ARID1B: variants seen among roughly 807,000 people sequenced by gnomAD.
ARID1B encodes the protein AT-rich interaction domain 1B, also known as AT-rich interactive domain-containing protein 1B.
A neutral mutation model predicts 212.3 loss-of-function variants in ARID1B; 30 were observed. That is an observed-to-expected ratio of 0.14 (90% CI 0.11 to 0.19). The LOEUF (loss-of-function observed/expected upper bound fraction) is 0.19. Among genes scored for constraint, ARID1B ranks in the 10% least tolerant of loss-of-function variants. The pLI is 1.00. For missense variants in ARID1B, 2,891 were observed against 3,204.0 expected (o/e 0.90, Z 2.36); for synonymous variants, 1,402 against 1,301.7 (o/e 1.08, Z -1.66).
intron 2 of ARID1B, among the ~76,000 whole-genome samples, chr6:156,895,585 C>T (rs1211906712): frequency 6.6e-6 from 1 of 152,136 alleles, no homozygotes; most frequent in Non-Finnish European, 1.5e-5. Flanking sequence ...CCCAGGGCCA[C>T]CTCTTTTTGG....
At chr6:156,906,545 CCAAAAAAAAAA>C (rs1181619981) in intron 3 of ARID1B, among the ~76,000 whole-genome samples, 1 of 44,582 alleles carries the variant, frequency 2.2e-5, no homozygotes, top group Non-Finnish European at 3.8e-5. Flanking sequence ...AACTCCATCT[CCAAAAAAAAAA>C]AAAAAAAAAA....
intron 2 of ARID1B, among the ~76,000 whole-genome samples, chr6:156,850,127 G>A (rs765661711): frequency 3.3e-5 from 5 of 151,178 alleles, no homozygotes; most frequent in Non-Finnish European, 7.4e-5. Flanking sequence ...GTGCAGAAGA[G>A]AACTGGACCA....
chr6:157,138,180 C>G (rs1002144997), intron 7 of ARID1B, among the ~76,000 whole-genome samples: 1 of 151,882 alleles, frequency 6.6e-6, no homozygotes, highest in Non-Finnish European at 1.5e-5. Context: ...CTCTACTCTT[C>G]TAAGTTCAGA....
rs965249692 is a variant in ARID1B at position 156,829,418 on chromosome 6, G to A, written c.1983G>A (p.Gln661=). The change falls in exon 2 of 20, where the codon CAG becomes CAA. Residue 661 remains glutamine, a synonymous_variant. Coordinates refer to ENST00000636930, the MANE Select transcript of ARID1B (RefSeq NM_001374828.1). ...GAMAGMQYPQ[Q]QMPPQYGQQG... ...TGGCCGGAATGCAGTACCCTCAGCAGCAGGTTTGTGCTGGTCCCCCGACCC... is the reference window on the plus strand; with the variant it reads ...TGGCCGGAATGCAGTACCCTCAGCAACAGGTTTGTGCTGGTCCCCCGACCC... The A allele has an allele frequency of 5.6e-6, 9 of 1,613,080 alleles. No homozygotes were observed. The African/African-American group carries it at 1.1e-4, about 19-fold the overall frequency.
In ARID1B at chr6:157,207,797, AG is replaced by A; in HGVS notation, c.7028del (p.Gly2343AlafsTer12). ...DENRSEFLLH[E>X]GRLLDISISA... ...AACCGCTCGGAATTCCTTTTGCACG[AG>A]GGCCGGTTGCTGGATATCTCGATAT... On this transcript the variant is annotated frameshift_variant, in exon 20 of 20. Transcript: ENST00000636930. LOFTEE classifies it high-confidence loss of function. This position sits in a 1 kb window ranked among gnomAD's most constrained non-coding sequence, Gnocchi z 8.5. 1 of 1,555,808 alleles carries A rather than the reference AG, an allele frequency of 6.4e-7. No individual in the cohort carries two copies.
chr6:157,199,035 C>A, intron 17 of ARID1B, 128 bp downstream of exon 17: 1 of 777,616 alleles, frequency 1.3e-6, no homozygotes. Flanking sequence ...GTTGAGCATT[C>A]AGGATATAGT....
chr6:156,928,909 AAT>A (rs1027120841), intron 3 of ARID1B, among the ~76,000 whole-genome samples: 12 of 152,238 alleles, frequency 7.9e-5, no homozygotes, highest in African/African-American at 2.2e-4. Context: ...AATTTAGGGG[AAT>A]ATATGAAGCC....
rs1449208173 is a variant in ARID1B at position 157,201,150 on chromosome 6, G to A, written c.4925G>A (p.Arg1642His). 3.7e-6 allele frequency: 6 copies of A among 1,614,152 alleles called. No homozygotes were observed. The highest frequency in any genetic ancestry group is 3.3e-5 in the South Asian group (3 of 91,088). ...ESQWPSHVSQ[R>H]QPYMSSSASM... ...CAGTGGCCTTCTCACGTCAGCCAGC[G>A]TCAGCCTTATATGTCGTCCTCAGCC... Residue 1642 changes from arginine to histidine, a missense_variant, in exon 18 of 20, where the codon CGT becomes CAT. Coordinates refer to ENST00000636930, the MANE Select transcript of ARID1B (RefSeq NM_001374828.1). The surrounding 1 kb of genome is among the most constrained non-coding windows in gnomAD (Gnocchi z 5.2).
rs148700132 is a variant in ARID1B, at chr6:157,084,733, C to G, written c.2319C>G (p.Ser773=). Residue 773 remains serine (S), a synonymous_variant, in exon 5 of 20, where the codon TCC becomes TCG. Transcript: ENST00000636930. Reference sequence around the variant, plus strand: ...CTTTGAGCTCAGCAGTCAGTGCATCCGGGTCCACGAGCAGCCAAGGGGATC... The same window carrying G: ...CTTTGAGCTCAGCAGTCAGTGCATCGGGGTCCACGAGCAGCCAAGGGGATC... ...EATLSSAVSA[S]GSTSSQGDQS... 6.2e-7 allele frequency: 1 copy of G among 1,614,144 alleles called. No homozygotes were observed. Among genetic ancestry groups the G allele is most frequent in the Non-Finnish European group, 8.5e-7 (1 of 1,180,020 alleles).
chr6:157,013,095 TC>T lies in ARID1B; in HGVS notation c.2248-71564del, dbSNP rs532628985. 4.5e-4 allele frequency among the ~76,000 whole-genome samples: 69 copies of T among 152,334 alleles called. 1 individual carries two copies. Among genetic ancestry groups the T allele is most frequent in the Middle Eastern group, 3.4e-3 (1 of 294 alleles). On this transcript the variant is annotated intron_variant, in intron 4 of 19. Coordinates refer to ENST00000636930, the MANE Select transcript of ARID1B (RefSeq NM_001374828.1). ...GGTTTCTCCATGTTGGTCAGGCTGG[TC>T]CCGAACTCCTGACCTCAGGTGGTCC...
intron 5 of ARID1B, among the ~76,000 whole-genome samples, chr6:157,098,831 G>A (rs1253389796): frequency 6.6e-6 from 1 of 152,180 alleles, no homozygotes; most frequent in Non-Finnish European, 1.5e-5. Context: ...CACCCTGAGA[G>A]TTGTGCCTCA....
intron 4 of ARID1B, among the ~76,000 whole-genome samples, chr6:156,944,530 A>C (rs1373602317): frequency 1.3e-5 from 2 of 152,164 alleles, no homozygotes; most frequent in Non-Finnish European, 2.9e-5. Context: ...GGGAAGGGGG[A>C]GGCAGAACAA....
intron 4 of ARID1B, among the ~76,000 whole-genome samples, chr6:156,974,619 G>A (rs1250284136): frequency 1.3e-5 from 2 of 152,200 alleles, no homozygotes; most frequent in Admixed American, 6.5e-5. Flanking sequence ...AAAAATCCAA[G>A]TGTAGGCATA....
At chr6:157,027,551 A>G (rs1780738681) in intron 4 of ARID1B, among the ~76,000 whole-genome samples, 1 of 152,232 alleles carries the variant, frequency 6.6e-6, no homozygotes, top group Non-Finnish European at 1.5e-5. Context: ...GACAGGGAAC[A>G]GGGCAGCAGA....
chr6:156,872,556 G>A (rs887471425), intron 2 of ARID1B, among the ~76,000 whole-genome samples: 1 of 152,218 alleles, frequency 6.6e-6, no homozygotes, highest in South Asian at 2.1e-4. Flanking sequence ...CCTGACCTCA[G>A]GTGATCCGCG....
In ARID1B at chr6:157,110,559, G is replaced by A; in HGVS notation, c.2579G>A (p.Arg860Lys). 1.2e-6 allele frequency: 2 copies of A among 1,614,172 alleles called. No homozygotes were observed. The highest frequency in any genetic ancestry group is 2.2e-5 in the South Asian group (2 of 91,078). The change falls in exon 6 of 20, where the codon AGA (arginine) becomes AAA (lysine). Residue 860 changes from arginine to lysine, a missense_variant and splice_region_variant. Coordinates refer to ENST00000636930, the MANE Select transcript of ARID1B (RefSeq NM_001374828.1). ...ALSQSPMPQE[R>K]GFMAGTQRNP... ...AGCCAGTCACCAATGCCACAGGAAA[G>A]AGGTTCGTCTCCAGTTCATGTCTTA...
chr6:156,862,446 C>T (rs911365137), intron 2 of ARID1B, among the ~76,000 whole-genome samples: 5 of 151,892 alleles, frequency 3.3e-5, no homozygotes, highest in African/African-American at 9.7e-5. Flanking sequence ...GGGTATATGG[C>T]GAAAGAGGGC....
chr6:156,989,782 C>T (rs545545586), intron 4 of ARID1B, among the ~76,000 whole-genome samples: 13 of 152,106 alleles, frequency 8.5e-5, no homozygotes, highest in African/African-American at 2.2e-4. Context: ...GTGCTGATGG[C>T]GGGGATAGTT....
At chr6:157,122,219 A>G (rs6917698) in intron 6 of ARID1B, among the ~76,000 whole-genome samples, 27,238 of 152,172 alleles carry the variant, frequency 0.18, 2,869 homozygotes, top group Admixed American at 0.23. Flanking sequence ...ACAGGTCTCC[A>G]TAATAGAGAT....
Sources: allele counts gnomAD v4.1 joint callset (sites outside exome capture counted in the v4.1 genomes callset), GRCh38; gene constraint gnomAD v4.1.1; non-coding constraint Gnocchi (gnomAD v3.1); transcripts MANE v1.5; gene names NCBI Gene and HGNC (gene_info 2026-07-23, HGNC 2026-07-21).